BNC2: variants seen among roughly 807,000 people sequenced by gnomAD.
BNC2 encodes the protein basonuclin zinc finger protein 2.
Under a neutral mutation model 76.3 loss-of-function variants are expected in BNC2, and 20 were observed. That is an observed-to-expected ratio of 0.26 (90% CI 0.18 to 0.38). The LOEUF (loss-of-function observed/expected upper bound fraction) is 0.38, where lower values mean the gene tolerates loss of function less well. BNC2 is among the 10% of genes least tolerant of loss of function. The probability of loss-of-function intolerance (pLI) is 1.00; values close to 1 mark genes in which losing one functional copy is unlikely to be tolerated. For synonymous variants in BNC2, 582 were observed against 514.8 expected (o/e 1.13, Z -1.77); for missense variants, 1,382 against 1,399.8 (o/e 0.99, Z 0.20).
chr9:16,662,283 T>C (rs964782949), intron 3 of BNC2, among the ~76,000 whole-genome samples: 2 of 152,180 alleles, frequency 1.3e-5, no homozygotes, highest in South Asian at 2.1e-4. Context: ...ACAACAAACC[T>C]ATGAAGTGTA....
At chr9:16,622,305 A>G (rs984749560) in intron 3 of BNC2, among the ~76,000 whole-genome samples, 10 of 152,150 alleles carry the variant, frequency 6.6e-5, no homozygotes, top group Admixed American at 6.6e-4. Context: ...TAATTTAAGA[A>G]CCTATAGCTC....
intron 5 of BNC2, among the ~76,000 whole-genome samples, chr9:16,504,626 GAAAT>G (rs1452710673): frequency 6.6e-6 from 1 of 152,052 alleles, no homozygotes; most frequent in Admixed American, 6.6e-5. Flanking sequence ...TAAAAAACTA[GAAAT>G]AAATAAATAA....
At chr9:16,766,901 C>T (rs1299790900) in intron 1 of BNC2, among the ~76,000 whole-genome samples, 1 of 152,178 alleles carries the variant, frequency 6.6e-6, no homozygotes, top group Admixed American at 6.5e-5. Context: ...AACTCCCCTA[C>T]CCAGTTTTAT....
chr9:16,758,889 C>T (rs1825471751), intron 1 of BNC2, among the ~76,000 whole-genome samples: 3 of 147,110 alleles, frequency 2.0e-5, no homozygotes, highest in Admixed American at 7.2e-5. Flanking sequence ...TTTATACTCA[C>T]AGATGTAAAA....
intron 1 of BNC2, among the ~76,000 whole-genome samples, chr9:16,830,027 C>T (rs1190540089): frequency 6.6e-6 from 1 of 152,180 alleles, no homozygotes; most frequent in Non-Finnish European, 1.5e-5. Context: ...ATATTCACTA[C>T]ATTTCTGCTA....
At chr9:16,606,753 T>G (rs1400746192) in intron 3 of BNC2, among the ~76,000 whole-genome samples, 3 of 152,156 alleles carry the variant, frequency 2.0e-5, no homozygotes, top group Non-Finnish European at 4.4e-5. Flanking sequence ...AGACGAGGTT[T>G]CGCCACGTTG....
intron 3 of BNC2, among the ~76,000 whole-genome samples, chr9:16,672,139 C>T (rs994510155): frequency 6.6e-6 from 1 of 152,150 alleles, no homozygotes; most frequent in African/African-American, 2.4e-5. Flanking sequence ...TGGGGCACTC[C>T]TATGAAGATG....
intron 3 of BNC2, among the ~76,000 whole-genome samples, chr9:16,709,393 AGT>A (rs1823769834): frequency 6.6e-6 from 1 of 152,240 alleles, no homozygotes. Flanking sequence ...CAGCACACCC[AGT>A]GGAAGAGAGC....
chr9:16,548,865 T>C (rs559261157), intron 5 of BNC2, among the ~76,000 whole-genome samples: 64 of 152,356 alleles, frequency 4.2e-4, no homozygotes, highest in African/African-American at 1.4e-3. Context: ...CAGGAGAATA[T>C]TGGGTTCTTA....
intron 1 of BNC2, among the ~76,000 whole-genome samples, chr9:16,739,297 C>T (rs1157115321): frequency 6.6e-6 from 1 of 152,136 alleles, no homozygotes; most frequent in African/African-American, 2.4e-5. Context: ...CATTATTTTG[C>T]TCCAAGAAGA....
chr9:16,685,708 G>C (rs1319865077), intron 3 of BNC2: 3 of 995,048 alleles, frequency 3.0e-6, no homozygotes, highest in African/African-American at 3.3e-5. Context: ...CCCAGGCAGA[G>C]AGAGGAAATC....
intron 3 of BNC2, among the ~76,000 whole-genome samples, chr9:16,606,325 G>T (rs1420755229): frequency 6.6e-6 from 1 of 152,160 alleles, no homozygotes; most frequent in East Asian, 1.9e-4. Context: ...GAATGGATTA[G>T]AGGGGAGAAA....
chr9:16,794,814 A>T (rs1016796030), intron 1 of BNC2, among the ~76,000 whole-genome samples: 1 of 152,170 alleles, frequency 6.6e-6, no homozygotes, highest in East Asian at 1.9e-4. Flanking sequence ...TTTTCAAAAA[A>T]TTAGCTGTCC....
At chr9:16,714,304 AG>A (rs1431573818) in intron 3 of BNC2, among the ~76,000 whole-genome samples, 4 of 152,224 alleles carry the variant, frequency 2.6e-5, no homozygotes, top group African/African-American at 9.6e-5. Context: ...CAGCATCTAA[AG>A]GGGTATATTC....
At chr9:16,432,942 GATGTA>G (rs1820934963) in intron 6 of BNC2, among the ~76,000 whole-genome samples, 1 of 152,210 alleles carries the variant, frequency 6.6e-6, no homozygotes, top group Admixed American at 6.5e-5. Flanking sequence ...ACAGATCAGA[GATGTA>G]ATCCAAGAGG....
chr9:16,727,449 G>T (rs768790327), intron 3 of BNC2: 5 of 255,166 alleles, frequency 2.0e-5, no homozygotes, highest in Non-Finnish European at 3.8e-5. Flanking sequence ...GATTCATATT[G>T]ATAGATACAT....
chr9:16,756,123 AG>A (rs1224691735), intron 1 of BNC2, among the ~76,000 whole-genome samples: 8 of 152,362 alleles, frequency 5.3e-5, no homozygotes, highest in African/African-American at 1.9e-4. Context: ...GAAGTTATTA[AG>A]AATATACTTT....
At chr9:16,606,263 G>C (rs1482209299) in intron 3 of BNC2, among the ~76,000 whole-genome samples, 1 of 151,450 alleles carries the variant, frequency 6.6e-6, no homozygotes. Context: ...TAAAGGATTA[G>C]CTTTAAAAGT....
intron 5 of BNC2, among the ~76,000 whole-genome samples, chr9:16,464,936 G>A (rs1326360013): frequency 6.6e-6 from 1 of 152,156 alleles, no homozygotes; most frequent in Non-Finnish European, 1.5e-5. Flanking sequence ...GGAAGTGATA[G>A]CTCCTCCTAT....
Sources: gnomAD v4.1 joint callset for allele counts (sites outside exome capture counted in the v4.1 genomes callset) on GRCh38, gnomAD v4.1.1 for gene constraint, MANE v1.5 for transcripts, NCBI Gene and HGNC (gene_info 2026-07-23, HGNC 2026-07-21) for gene names.